The following CREBBP variants were observed in gnomAD, a reference collection of about 807,000 sequenced individuals.
The protein encoded by CREBBP is CREB-binding protein.
Under a neutral mutation model 265.0 loss-of-function variants are expected in CREBBP, and 19 were observed. That is an observed-to-expected ratio of 0.07 (90% CI 0.05 to 0.11). The LOEUF (loss-of-function observed/expected upper bound fraction) is 0.11, where lower values mean the gene tolerates loss of function less well. CREBBP is among the 10% of genes least tolerant of loss of function. The probability of loss-of-function intolerance (pLI) is 1.00; values close to 1 mark genes in which losing one functional copy is unlikely to be tolerated. For missense variants in CREBBP, 2,525 were observed against 3,219.0 expected, an observed-to-expected ratio of 0.78 and a Z score of 5.22; for synonymous variants, 1,457 against 1,223.7, an observed-to-expected ratio of 1.19 and a Z score of -3.98.
intron 28 of CREBBP, among the ~76,000 whole-genome samples, chr16:3,735,410 C>T (rs1178786828): frequency 6.6e-6 from 1 of 152,174 alleles, no homozygotes; most frequent in Non-Finnish European, 1.5e-5. Flanking sequence ...GATTCTCCTG[C>T]CTCAACCTCC....
chr16:3,801,704 G>C (rs1229572284), intron 3 of CREBBP, among the ~76,000 whole-genome samples: 1 of 152,150 alleles, frequency 6.6e-6, no homozygotes, highest in African/African-American at 2.4e-5. Flanking sequence ...ACAGTCCCTA[G>C]CCTTGGGAAG....
intron 3 of CREBBP, among the ~76,000 whole-genome samples, chr16:3,801,699 C>G (rs1327210958): frequency 6.6e-6 from 1 of 152,134 alleles, no homozygotes; most frequent in Admixed American, 6.5e-5. Flanking sequence ...GGGTAACAGT[C>G]CCTAGCCTTG....
At chr16:3,756,617 C>T (rs2052592249) in intron 19 of CREBBP, among the ~76,000 whole-genome samples, 1 of 152,178 alleles carries the variant, frequency 6.6e-6, no homozygotes, top group Admixed American at 6.5e-5. Flanking sequence ...AATTAAAACA[C>T]CAGATCTCAT....
chr16:3,737,356 C>CACAAAAG (rs935187036), intron 26 of CREBBP, among the ~76,000 whole-genome samples: 52 of 152,246 alleles, frequency 3.4e-4, no homozygotes, highest in African/African-American at 1.2e-3. Context: ...ACAAAGGATT[C>CACAAAAG]ACAAAAGACA....
Position 3,850,730 on chromosome 16 carries a change from G to A in CREBBP, c.365C>T (p.Pro122Leu). Residue 122 changes from proline (P) to leucine (L), a missense_variant, in exon 2 of 31, where the codon CCT becomes CTT. Pro to Leu is a moderately conservative substitution (Grantham distance 98, BLOSUM62 -3). Transcript: ENST00000262367. Reference protein sequence around the residue: ...MASLSAMGKSPLSQGDSSAPS... With the variant: ...MASLSAMGKSLLSQGDSSAPS... ...GGCTGAAGAATCTCCCTGGCTCAGA[G>A]GGCTCTTGCCCATGGCACTGAGGCT... is the stretch of plus-strand genomic sequence containing the variant. 6.2e-7 allele frequency: 1 copy of A among 1,614,076 alleles called. No homozygotes were observed. The highest frequency in any genetic ancestry group is 1.3e-5 in the African/African-American group (1 of 75,056).
At position 3,847,211 on chromosome 16, in the gene CREBBP, C is replaced by T. The variant is rs186181720; in HGVS notation, c.798+3086G>A. Reference sequence around the variant, plus strand: ...CACTGCCAAGTAAAACAGTAAGGTGCTTATGTAGTCTGGTTTCATTATGTA... The same window carrying T: ...CACTGCCAAGTAAAACAGTAAGGTGTTTATGTAGTCTGGTTTCATTATGTA... On this transcript the variant is annotated intron_variant, in intron 2 of 30. Transcript: ENST00000262367. Among the ~76,000 whole-genome samples the T allele has an allele frequency of 1.2e-3, 185 of 152,274 alleles. 1 individual carries two copies. The highest frequency in any genetic ancestry group is 4.2e-3 in the African/African-American group (176 of 41,536).
chr16:3,786,204 A>T (rs942323465), intron 5 of CREBBP, among the ~76,000 whole-genome samples: 2 of 152,132 alleles, frequency 1.3e-5, no homozygotes, highest in African/African-American at 4.8e-5. Context: ...CATCTCTATT[A>T]AAAATACAAA....
intron 2 of CREBBP, among the ~76,000 whole-genome samples, chr16:3,842,312 T>G (rs1228037536): frequency 6.6e-6 from 1 of 152,180 alleles, no homozygotes; most frequent in East Asian, 1.9e-4. Context: ...GCTTCTGGCT[T>G]CCTTCTGTCA....
chr16:3,799,671 G>A (rs1162953330), intron 3 of CREBBP, among the ~76,000 whole-genome samples: 1 of 152,168 alleles, frequency 6.6e-6, no homozygotes, highest in Non-Finnish European at 1.5e-5. Context: ...GTCTATTAAA[G>A]GTGGACTAAT....
intron 16 of CREBBP, among the ~76,000 whole-genome samples, chr16:3,763,741 G>A (rs764827252): frequency 5.3e-5 from 8 of 152,172 alleles, no homozygotes; most frequent in Non-Finnish European, 1.2e-4. Flanking sequence ...TGGGATTACA[G>A]GTGTGAGCCA....
At chr16:3,798,243 G>A (rs993265237) in intron 3 of CREBBP, among the ~76,000 whole-genome samples, 35 of 152,140 alleles carry the variant, frequency 2.3e-4, no homozygotes, top group African/African-American at 8.2e-4. Context: ...AGAAAACCGA[G>A]AATAAATCTT....
chr16:3,743,392 T>A (rs566323872), intron 23 of CREBBP: 2 of 152,290 alleles, frequency 1.3e-5, no homozygotes, highest in African/African-American at 4.8e-5. Context: ...ACTTTGGATG[T>A]TGGTTAACAA....
rs1283992240 is a variant in CREBBP at position 3,731,106 on chromosome 16, A to C, written c.5172+86T>G. The C allele has an allele frequency of 7.0e-7, 1 of 1,436,486 alleles. No homozygotes were observed. The highest frequency in any genetic ancestry group is 9.6e-7 in the Non-Finnish European group (1 of 1,043,532). The allele number at this position is 1,436,486 out of a possible 1,614,324, so 89.0% of individuals were successfully genotyped here. On this transcript the variant is annotated intron_variant, in intron 30 of 30. Coordinates refer to ENST00000262367, the MANE Select transcript of CREBBP (RefSeq NM_004380.3). This position sits in a 1 kb window ranked among gnomAD's most constrained non-coding sequence, Gnocchi z 7.7. The stretch of plus-strand genomic sequence containing the variant: ...AGTGCAGCCACCATCAGGTACAGAC[A>C]CCAACCCGGGCACCCATGCAAAGGG...
chr16:3,787,951 T>C (rs1436748946), intron 5 of CREBBP, among the ~76,000 whole-genome samples: 1 of 152,216 alleles, frequency 6.6e-6, no homozygotes, highest in East Asian at 1.9e-4. Flanking sequence ...GTGCAAGGAT[T>C]ACAGACGTTA....
At chr16:3,794,762 A>C (rs2053575708) in intron 3 of CREBBP, among the ~76,000 whole-genome samples, 1 of 152,236 alleles carries the variant, frequency 6.6e-6, no homozygotes, top group Non-Finnish European at 1.5e-5. Context: ...ACAAACTATA[A>C]GCATTCTTCA....
chr16:3,789,213 G>A (rs1025419946), intron 5 of CREBBP, among the ~76,000 whole-genome samples: 5 of 152,156 alleles, frequency 3.3e-5, no homozygotes, highest in Admixed American at 2.6e-4. Context: ...TCCACAGAGC[G>A]AGCACAGGTG....
In CREBBP at chr16:3,728,720, C is replaced by T. The variant is rs2051823430; in HGVS notation, c.6327G>A (p.Val2109=). ...GGGGCTGCATGCCGGGCTGATTGGC[C>T]ACGTACTTGGCTGTGCGCTGTTTGA... ...AFIKQRTAKY[V]ANQPGMQPQP... The change falls in exon 31 of 31, where the codon GTG becomes GTA. Residue 2109 remains valine (V), a synonymous_variant. Transcript: ENST00000262367. This position sits in a 1 kb window ranked among gnomAD's most constrained non-coding sequence, Gnocchi z 8.7. 1 of 1,613,994 alleles carries T rather than the reference C, an allele frequency of 6.2e-7. No individual in the cohort carries two copies. Among genetic ancestry groups the T allele is most frequent in the South Asian group, 1.1e-5 (1 of 91,088 alleles).
chr16:3,870,141 T>C (rs1180591601), intron 1 of CREBBP, among the ~76,000 whole-genome samples: 1 of 151,582 alleles, frequency 6.6e-6, no homozygotes, highest in Non-Finnish European at 1.5e-5. Flanking sequence ...AACTTTTACT[T>C]ATAAAAAAAA....
intron 10 of CREBBP, 63 bp from the exon 11 acceptor site, chr16:3,777,720 C>G (rs1596906747): frequency 6.3e-7 from 1 of 1,584,070 alleles, no homozygotes; most frequent in Non-Finnish European, 8.7e-7. Context: ...ATCCTTGATT[C>G]AGGAATAGGA....
Sources: gnomAD v4.1 joint callset for allele counts (sites outside exome capture counted in the v4.1 genomes callset) on GRCh38, gnomAD v4.1.1 for gene constraint, Gnocchi (gnomAD v3.1) non-coding constraint, MANE v1.5 for transcripts, NCBI Gene and HGNC (gene_info 2026-07-23, HGNC 2026-07-21) for gene names.